MPRIP: variants seen among roughly 807,000 people sequenced by gnomAD.
MPRIP encodes the protein myosin phosphatase Rho interacting protein, also known as myosin phosphatase Rho-interacting protein.
In MPRIP, 59 loss-of-function variants were observed where a neutral mutation model predicts 234.9. That is an observed-to-expected ratio of 0.25 (90% CI 0.20 to 0.31). The LOEUF (loss-of-function observed/expected upper bound fraction) is 0.31, where lower values mean the gene tolerates loss of function less well. Ranked by LOEUF, MPRIP falls within the 10% of genes least tolerant of loss-of-function variation. MPRIP has a pLI of 1.00. For synonymous variants in MPRIP, 1,144 were observed against 1,263.9 expected (o/e 0.91, Z 2.01); for missense variants, 2,436 against 3,071.0 (o/e 0.79, Z 4.89).
rs188732302 is a variant in MPRIP, at chr17:17,177,463, G to A, written c.7120+51G>A. ...GGTTATTGCTGGGGGGCTTATGGGG[G>A]TTTGGTCGTAGAGGTTTCCCGGTGC... On this transcript the variant is annotated intron_variant, in intron 22 of 23. Coordinates refer to ENST00000651222, the MANE Select transcript of MPRIP (RefSeq NM_001364716.4). 2.9e-4 allele frequency: 464 copies of A among 1,584,694 alleles called. No homozygotes were observed. The African/African-American group carries it at 5.7e-3, about 20-fold the overall frequency.
intron 7 of MPRIP, among the ~76,000 whole-genome samples, chr17:17,140,216 C>T (rs913706336): frequency 1.3e-5 from 2 of 152,118 alleles, no homozygotes; most frequent in African/African-American, 4.8e-5. Flanking sequence ...CCTGGTTTAG[C>T]GCCAGACCAC....
At chr17:17,160,047 A>G (rs935105418) in intron 14 of MPRIP, among the ~76,000 whole-genome samples, 1 of 152,214 alleles carries the variant, frequency 6.6e-6, no homozygotes, top group South Asian at 2.1e-4. Context: ...TGGCTCAACA[A>G]TCTGGGGGGT....
At position 17,165,439 on chromosome 17, in the gene MPRIP, CCAGTAGGGAAGA is replaced by C; in HGVS notation, c.3852_3863del (p.Arg1285_Ser1288del). The C allele has an allele frequency of 7.7e-7, 1 of 1,304,170 alleles. No homozygotes were observed. The highest frequency in any genetic ancestry group is 1.0e-6 in the Non-Finnish European group (1 of 988,952). 80.8% of individuals were successfully genotyped at this position (1,304,170 alleles called of 1,614,324 possible). ...GGGGAAGAGTACGGTGATGGCAGCC[CCAGTAGGGAAGA>C]CAGCATGGTGCCCCCAAAGTCAGTG... On this transcript the variant is annotated inframe_deletion, in exon 16 of 24. Transcript: ENST00000651222.
At chr17:17,182,176 A>G (rs2071256702) in intron 23 of MPRIP, 1 of 152,076 alleles carries the variant, frequency 6.6e-6, no homozygotes, top group Non-Finnish European at 1.5e-5. Context: ...ACTCCACCCA[A>G]CCCTTCAAGA....
chr17:17,099,061 A>G (rs1057392012), intron 3 of MPRIP, among the ~76,000 whole-genome samples: 3 of 152,118 alleles, frequency 2.0e-5, no homozygotes, highest in Non-Finnish European at 4.4e-5. Flanking sequence ...GCTAGGGCAA[A>G]GGGTCGATGT....
chr17:17,073,782 CG>C (rs1332303980), intron 1 of MPRIP, among the ~76,000 whole-genome samples: 1 of 152,166 alleles, frequency 6.6e-6, no homozygotes, highest in African/African-American at 2.4e-5. Context: ...AGCTGGAGTT[CG>C]TAGAGAGCAC....
intron 9 of MPRIP, among the ~76,000 whole-genome samples, chr17:17,145,474 C>T (rs562835054): frequency 1.2e-3 from 183 of 152,294 alleles, no homozygotes; most frequent in African/African-American, 3.3e-3. Flanking sequence ...TGTGCCTGGG[C>T]GCTGCCCCCC....
Position 17,161,372 on chromosome 17 carries a change from T to A in MPRIP, c.2517+16T>A. 1 of 1,536,884 alleles carries A rather than the reference T, an allele frequency of 6.5e-7. No homozygotes were observed. The highest frequency in any genetic ancestry group is 8.9e-7 in the Non-Finnish European group (1 of 1,126,414). Reference sequence around the variant, plus strand: ...CGTGCTGCAGGTAGGGTGGAGGGGCTGCTGTGGCCCATGGTGCGCTCAGGA... The same window carrying A: ...CGTGCTGCAGGTAGGGTGGAGGGGCAGCTGTGGCCCATGGTGCGCTCAGGA... On this transcript the variant is annotated intron_variant, in intron 15 of 23. Transcript: ENST00000651222.
chr17:17,150,109 T>G (rs1447393325), intron 11 of MPRIP, 35 bp from the exon 12 acceptor site: 1 of 1,560,232 alleles, frequency 6.4e-7, no homozygotes, highest in Non-Finnish European at 8.8e-7. Context: ...TTCTACTTCC[T>G]AAAAATCTCA....
In MPRIP at chr17:17,136,288, A is replaced by T. The variant is rs2090695836; in HGVS notation, c.574A>T (p.Ser192Cys). The T allele has an allele frequency of 6.2e-7, 1 of 1,613,510 alleles. No individual in the cohort carries two copies. The highest frequency in any genetic ancestry group is 8.5e-7 in the Non-Finnish European group (1 of 1,179,830). Residue 192 changes from serine (S) to cysteine (C), a missense_variant, in exon 6 of 24, where the codon AGT becomes TGT. Physicochemically the swap from Ser to Cys is moderately radical, Grantham distance 112. Transcript: ENST00000651222. ...SSSSSSSSIPSAEKVPTTKST... is the reference protein window; with the variant it reads ...SSSSSSSSIPCAEKVPTTKST... The stretch of plus-strand genomic sequence containing the variant: ...CAGCAGCAGCAGCAGCAGCATCCCC[A>T]GTGCTGAGAAAGTCCCCACCACCAA...
chr17:17,110,519 G>C (rs759568496), intron 3 of MPRIP, among the ~76,000 whole-genome samples: 3 of 152,210 alleles, frequency 2.0e-5, no homozygotes, highest in Non-Finnish European at 2.9e-5. Flanking sequence ...GATGGCCATA[G>C]CTCCCCACTC....
chr17:17,079,398 G>GA (rs2089411114), intron 3 of MPRIP, among the ~76,000 whole-genome samples: 2 of 152,240 alleles, frequency 1.3e-5, no homozygotes, highest in Admixed American at 6.5e-5. Flanking sequence ...GACTTGGCTG[G>GA]AAGTAGGAGC....
intron 3 of MPRIP, among the ~76,000 whole-genome samples, chr17:17,119,700 C>T (rs756670776): frequency 3.3e-5 from 5 of 152,234 alleles, no homozygotes; most frequent in Admixed American, 6.5e-5. Context: ...CTCCCTAGAA[C>T]GTGCCGAGCT....
chr17:17,092,017 AG>A (rs777988018), intron 3 of MPRIP, among the ~76,000 whole-genome samples: 1 of 152,204 alleles, frequency 6.6e-6, no homozygotes, highest in Non-Finnish European at 1.5e-5. Flanking sequence ...ACACTAGAGG[AG>A]GGTGCTGGAG....
chr17:17,168,932 G>A (rs1409999701), intron 16 of MPRIP: 2 of 456,790 alleles, frequency 4.4e-6, no homozygotes, highest in Non-Finnish European at 4.4e-6. Context: ...CTGTCTAGCA[G>A]GACACCTGTT....
intron 3 of MPRIP, among the ~76,000 whole-genome samples, chr17:17,083,294 T>C (rs1253053590): frequency 1.3e-5 from 2 of 152,164 alleles, no homozygotes; most frequent in Non-Finnish European, 2.9e-5. Context: ...AGAAATTAAT[T>C]TGGGGTGCCT....
intron 3 of MPRIP, among the ~76,000 whole-genome samples, chr17:17,122,384 C>T (rs1326838224): frequency 1.3e-5 from 2 of 152,138 alleles, no homozygotes; most frequent in Non-Finnish European, 2.9e-5. Context: ...GATGGAATCT[C>T]GCTCCATCAC....
chr17:17,098,937 G>A (rs1237628715), intron 3 of MPRIP, among the ~76,000 whole-genome samples: 3 of 152,144 alleles, frequency 2.0e-5, no homozygotes, highest in South Asian at 2.1e-4. Flanking sequence ...AGACAAGCAC[G>A]TGGGTGAGGC....
intron 3 of MPRIP, among the ~76,000 whole-genome samples, chr17:17,108,430 T>C (rs2090104991): frequency 6.6e-6 from 1 of 152,228 alleles, no homozygotes; most frequent in Non-Finnish European, 1.5e-5. Context: ...CAGCCTTGGC[T>C]GAACATTAGA....
Sources: allele counts gnomAD v4.1 joint callset (sites outside exome capture counted in the v4.1 genomes callset), GRCh38; gene constraint gnomAD v4.1.1; transcripts MANE v1.5; gene names NCBI Gene and HGNC (gene_info 2026-07-23, HGNC 2026-07-21).